The following COL25A1 variants were observed in gnomAD, a reference collection of about 807,000 sequenced individuals.
The protein encoded by COL25A1 is collagen type XXV alpha 1 chain.
In COL25A1, 103 loss-of-function variants were observed where a neutral mutation model predicts 128.4. The observed-to-expected ratio is 0.80, with a 90% CI of 0.68 to 0.94. The LOEUF is 0.94. COL25A1 is among the 40% of genes least tolerant of loss of function. The pLI, the probability that COL25A1 is intolerant of heterozygous loss-of-function variation, is 0.00. For missense variants in COL25A1, 745 were observed against 840.0 expected (o/e 0.89, Z 1.40); for synonymous variants, 279 against 277.2 (o/e 1.01, Z -0.06).
chr4:109,257,875 AT>A (rs1194924922), intron 3 of COL25A1, among the ~76,000 whole-genome samples: 1 of 152,232 alleles, frequency 6.6e-6, no homozygotes, highest in African/African-American at 2.4e-5. Context: ...GAGAACCAAA[AT>A]TTAACAATGG....
intron 3 of COL25A1, among the ~76,000 whole-genome samples, chr4:109,165,060 T>A (rs1772935760): frequency 6.6e-6 from 1 of 152,170 alleles, no homozygotes; most frequent in Non-Finnish European, 1.5e-5. Context: ...AAACAACATA[T>A]GATAATAGTC....
chr4:108,872,600 T>G (rs1455595161), intron 19 of COL25A1, among the ~76,000 whole-genome samples: 1 of 152,158 alleles, frequency 6.6e-6, no homozygotes, highest in Non-Finnish European at 1.5e-5. Flanking sequence ...TTTCTTCATA[T>G]ACTTCAACGA....
At chr4:109,096,070 G>A (rs935352858) in intron 3 of COL25A1, among the ~76,000 whole-genome samples, 1 of 152,154 alleles carries the variant, frequency 6.6e-6, no homozygotes, top group African/African-American at 2.4e-5. Flanking sequence ...ATAGAACAAT[G>A]GGTTGGCGAC....
intron 13 of COL25A1, among the ~76,000 whole-genome samples, chr4:108,907,426 G>A (rs1413990624): frequency 6.6e-6 from 1 of 152,152 alleles, no homozygotes; most frequent in Non-Finnish European, 1.5e-5. Context: ...AAGTAGCTGG[G>A]ACGATGCTGG....
At chr4:109,165,507 C>T (rs934886808) in intron 3 of COL25A1, among the ~76,000 whole-genome samples, 10 of 151,986 alleles carry the variant, frequency 6.6e-5, no homozygotes, top group African/African-American at 1.9e-4. Context: ...CTGGAGACCA[C>T]GAGTTCGAGA....
At chr4:109,121,545 G>A (rs1295682904) in intron 3 of COL25A1, among the ~76,000 whole-genome samples, 1 of 151,916 alleles carries the variant, frequency 6.6e-6, no homozygotes, top group African/African-American at 2.4e-5. Flanking sequence ...TATGTCATTA[G>A]GAATTGTAAA....
At chr4:108,883,893 T>C (rs1222765416) in intron 19 of COL25A1, among the ~76,000 whole-genome samples, 1 of 152,196 alleles carries the variant, frequency 6.6e-6, no homozygotes, top group Non-Finnish European at 1.5e-5. Flanking sequence ...AGAGACATTT[T>C]AGACTTTAAA....
intron 5 of COL25A1, among the ~76,000 whole-genome samples, chr4:109,012,467 T>C (rs1756701644): frequency 6.6e-6 from 1 of 151,806 alleles, no homozygotes; most frequent in Non-Finnish European, 1.5e-5. Context: ...TGCGGGGAGG[T>C]GTGGAGGGAG....
At position 108,840,971 on chromosome 4, in the gene COL25A1, G is replaced by C. The variant is rs192224309; in HGVS notation, c.1656+724C>G. Among the ~76,000 whole-genome samples, 48 of 152,334 alleles carry C rather than the reference G, an allele frequency of 3.2e-4. 1 individual carries two copies. In the South Asian group the frequency reaches 3.5e-3, roughly 11 times the overall value. On this transcript the variant is annotated intron_variant, in intron 31 of 37. Transcript: ENST00000399132. Reference sequence around the variant, plus strand: ...CAAGGTGATACAGCCTGGCAAGATTGAGATTAGAACATAAGTCTTCATCAC... The same window carrying C: ...CAAGGTGATACAGCCTGGCAAGATTCAGATTAGAACATAAGTCTTCATCAC...
intron 3 of COL25A1, among the ~76,000 whole-genome samples, chr4:109,283,729 A>G (rs922264058): frequency 2.6e-5 from 4 of 152,282 alleles, no homozygotes; most frequent in Admixed American, 2.0e-4. Context: ...CTTCATTTAT[A>G]CTAACGTTTC....
chr4:109,273,466 C>T (rs1419489639), intron 3 of COL25A1, among the ~76,000 whole-genome samples: 2 of 152,050 alleles, frequency 1.3e-5, no homozygotes, highest in Admixed American at 6.6e-5. Context: ...GTTCAATAAT[C>T]GTTAATACAC....
intron 27 of COL25A1, 40 bp from the exon 28 acceptor site, chr4:108,846,259 T>G (rs764586309): frequency 5.7e-6 from 7 of 1,217,570 alleles, no homozygotes. Flanking sequence ...AGCAGCATAA[T>G]GACCCCCGAT....
chr4:109,051,114 A>G (rs1004582573), intron 3 of COL25A1, among the ~76,000 whole-genome samples: 5 of 152,006 alleles, frequency 3.3e-5, no homozygotes, highest in African/African-American at 1.2e-4. Context: ...CCAGGAGAAG[A>G]AGGCCAAGGA....
intron 3 of COL25A1, among the ~76,000 whole-genome samples, chr4:109,273,523 A>G (rs1409387748): frequency 6.6e-6 from 1 of 152,220 alleles, no homozygotes; most frequent in East Asian, 1.9e-4. Flanking sequence ...AGAAAACGAT[A>G]AAATGCCAAC....
chr4:109,181,835 TG>T (rs1258712464), intron 3 of COL25A1, among the ~76,000 whole-genome samples: 1 of 152,052 alleles, frequency 6.6e-6, no homozygotes, highest in Admixed American at 6.6e-5. Flanking sequence ...TTATACCCTT[TG>T]ACCAACATCT....
intron 3 of COL25A1, among the ~76,000 whole-genome samples, chr4:109,131,482 G>C (rs1197230262): frequency 6.6e-6 from 1 of 152,144 alleles, no homozygotes; most frequent in Admixed American, 6.5e-5. Flanking sequence ...ATCATCTTTG[G>C]TAGGATATGT....
At chr4:108,845,300 G>GTT (rs1734957703) in intron 28 of COL25A1, 49 bp from the exon 29 acceptor site, 2 of 1,473,342 alleles carry the variant, frequency 1.4e-6, no homozygotes, top group Admixed American at 3.3e-5. Flanking sequence ...TATTTCCAGT[G>GTT]TAAGAGACAA....
At chr4:108,872,829 A>G (rs969788719) in intron 19 of COL25A1, among the ~76,000 whole-genome samples, 9 of 152,160 alleles carry the variant, frequency 5.9e-5, no homozygotes, top group African/African-American at 2.2e-4. Flanking sequence ...ATTTCATAAA[A>G]CATACTATTT....
chr4:109,066,039 G>A (rs1210764427), intron 3 of COL25A1, among the ~76,000 whole-genome samples: 1 of 152,130 alleles, frequency 6.6e-6, no homozygotes, highest in Non-Finnish European at 1.5e-5. Flanking sequence ...CCCTGGGGTG[G>A]TGCATACATC....
Sources: gnomAD v4.1 joint callset for allele counts (sites outside exome capture counted in the v4.1 genomes callset) on GRCh38, gnomAD v4.1.1 for gene constraint, MANE v1.5 for transcripts, NCBI Gene and HGNC (gene_info 2026-07-23, HGNC 2026-07-21) for gene names.